The following ROBO2 variants were observed in gnomAD, a reference collection of about 807,000 sequenced individuals.
ROBO2 encodes roundabout guidance receptor 2.
Under a neutral mutation model 160.8 loss-of-function variants are expected in ROBO2, and 53 were observed. That is an observed-to-expected ratio of 0.33 (90% CI 0.26 to 0.41). The LOEUF is 0.41. Ranked by LOEUF, ROBO2 falls within the 10% of genes least tolerant of loss-of-function variation. The pLI is 1.00. For synonymous variants in ROBO2, 664 were observed against 611.7 expected (o/e 1.09, Z -1.26); for missense variants, 1,577 against 1,722.4 (o/e 0.92, Z 1.49).
At chr3:76,736,527 T>A (rs144815052) in intron 2 of ROBO2, among the ~76,000 whole-genome samples, 4 of 152,162 alleles carry the variant, frequency 2.6e-5, no homozygotes, top group Admixed American at 1.3e-4. Flanking sequence ...AGTTACTTTT[T>A]TCACCAATAA....
chr3:76,804,953 T>C lies in ROBO2; in HGVS notation c.110-293061T>C, dbSNP rs114626318. ...AATTTTGAAGCATTCTAAGACTAGA[T>C]TTATTTCCATTAAAATCAATGATGT... On this transcript the variant is annotated intron_variant, in intron 2 of 26. Coordinates refer to the ROBO2 transcript ENST00000487694. Among the ~76,000 whole-genome samples the C allele has an allele frequency of 3.3e-3, 506 of 152,264 alleles. 2 individuals are homozygous for C. The highest frequency in any genetic ancestry group is 0.011 in the African/African-American group (478 of 41,566).
At chr3:76,140,403 C>T (rs1034905554) in intron 2 of ROBO2, among the ~76,000 whole-genome samples, 16 of 151,926 alleles carry the variant, frequency 1.1e-4, no homozygotes, top group Non-Finnish European at 1.3e-4. Flanking sequence ...AGCACTATTT[C>T]ATTTGCCTTA....
chr3:77,246,539 A>G (rs780553439), intron 2 of ROBO2, among the ~76,000 whole-genome samples: 21 of 152,236 alleles, frequency 1.4e-4, no homozygotes, highest in Middle Eastern at 3.4e-3. Flanking sequence ...GCCACTATGG[A>G]GCAAACAAAG....
intron 2 of ROBO2, among the ~76,000 whole-genome samples, chr3:76,825,328 T>A (rs62261809): frequency 0.13 from 19,117 of 152,142 alleles, 1,332 homozygotes; most frequent in East Asian, 0.24. Flanking sequence ...ATGTGCTTGC[T>A]GTTTTATCAC....
At chr3:76,188,187 T>C (rs192829328) in intron 2 of ROBO2, among the ~76,000 whole-genome samples, 19 of 152,184 alleles carry the variant, frequency 1.2e-4, no homozygotes, top group Middle Eastern at 3.4e-3. Flanking sequence ...AAAAGATATA[T>C]TGAAGCCTAC....
chr3:76,276,327 G>A (rs1013838079), intron 2 of ROBO2, among the ~76,000 whole-genome samples: 4 of 151,818 alleles, frequency 2.6e-5, no homozygotes, highest in Non-Finnish European at 4.4e-5. Context: ...AGCCACATAT[G>A]GCTATTTAAA....
chr3:76,432,928 G>A (rs1215364807), intron 2 of ROBO2, among the ~76,000 whole-genome samples: 1 of 151,854 alleles, frequency 6.6e-6, no homozygotes, highest in Non-Finnish European at 1.5e-5. Flanking sequence ...GAGGAGGGAG[G>A]GAGGGAAGGA....
At chr3:77,433,350 T>C (rs1194637517) in intron 2 of ROBO2, among the ~76,000 whole-genome samples, 2 of 151,362 alleles carry the variant, frequency 1.3e-5, no homozygotes, top group East Asian at 2.0e-4. Context: ...CCTAAACTGT[T>C]CTGTATTGTG....
intron 2 of ROBO2, among the ~76,000 whole-genome samples, chr3:77,210,087 T>G (rs1412460811): frequency 2.6e-5 from 4 of 152,174 alleles, no homozygotes; most frequent in Non-Finnish European, 5.9e-5. Context: ...GATTTTTTTC[T>G]TCTGCTTTGG....
intron 2 of ROBO2, among the ~76,000 whole-genome samples, chr3:76,814,184 C>A (rs915195540): frequency 2.6e-5 from 4 of 152,046 alleles, no homozygotes; most frequent in African/African-American, 9.7e-5. Flanking sequence ...CGCAAATACA[C>A]CCAAATCAAA....
At chr3:76,370,730 C>G (rs2076060150) in intron 2 of ROBO2, among the ~76,000 whole-genome samples, 1 of 151,916 alleles carries the variant, frequency 6.6e-6, no homozygotes, top group Non-Finnish European at 1.5e-5. Flanking sequence ...CAAAGGCATA[C>G]TTTTCTAGGG....
intron 2 of ROBO2, among the ~76,000 whole-genome samples, chr3:76,067,179 C>T (rs1421197083): frequency 1.3e-5 from 2 of 152,094 alleles, no homozygotes; most frequent in African/African-American, 4.8e-5. Flanking sequence ...AATGTGATCA[C>T]AGGCCAGTTA....
chr3:77,617,541 T>C lies in ROBO2; in HGVS notation c.3322T>C (p.Leu1108=), dbSNP rs771875723. 8.7e-6 allele frequency: 14 copies of C among 1,614,134 alleles called. No homozygotes were observed. In the South Asian group the frequency reaches 1.4e-4, roughly 16 times the overall value. Residue 1108 remains leucine (L), a synonymous_variant, in exon 22 of 26, where the codon TTG becomes CTG. Transcript: ENST00000461745. ...TGACAGTGATAGCTGGTGCCCACCATTGCCAGTACAAACTTACTTACACCA... is the reference window on the plus strand; with the variant it reads ...TGACAGTGATAGCTGGTGCCCACCACTGCCAGTACAAACTTACTTACACCA...
chr3:77,354,387 C>T (rs1356791912), intron 2 of ROBO2, among the ~76,000 whole-genome samples: 3 of 152,074 alleles, frequency 2.0e-5, no homozygotes, highest in Admixed American at 1.3e-4. Context: ...GTTAATTTTC[C>T]TTTGCCTTGA....
chr3:76,201,007 C>T (rs1392624478), intron 2 of ROBO2, among the ~76,000 whole-genome samples: 1 of 152,012 alleles, frequency 6.6e-6, no homozygotes, highest in African/African-American at 2.4e-5. Flanking sequence ...CCACTTTAAA[C>T]ATTCGTAGGG....
At chr3:76,274,779 G>A (rs1707820972) in intron 2 of ROBO2, among the ~76,000 whole-genome samples, 1 of 150,854 alleles carries the variant, frequency 6.6e-6, no homozygotes, top group Non-Finnish European at 1.5e-5. Context: ...AGAGGTTGCA[G>A]TGAGCTGAGA....
At chr3:76,551,854 TG>T (rs2083443440) in intron 2 of ROBO2, among the ~76,000 whole-genome samples, 5 of 152,156 alleles carry the variant, frequency 3.3e-5, no homozygotes, top group Admixed American at 3.3e-4. Context: ...CCTGGCTGTG[TG>T]CAGTGTCTGG....
chr3:75,927,792 G>C (rs1947346333), intron 1 of ROBO2, among the ~76,000 whole-genome samples: 1 of 152,132 alleles, frequency 6.6e-6, no homozygotes, highest in African/African-American at 2.4e-5. Context: ...GGAACACTCT[G>C]TATTGATTTA....
intron 2 of ROBO2, among the ~76,000 whole-genome samples, chr3:76,446,806 A>C (rs188405404): frequency 2.9e-3 from 440 of 152,318 alleles, no homozygotes; most frequent in Admixed American, 5.4e-3. Context: ...TTCCCTATTT[A>C]ATAAATGGTG....
Sources: allele counts gnomAD v4.1 joint callset (sites outside exome capture counted in the v4.1 genomes callset), GRCh38; gene constraint gnomAD v4.1.1; transcripts MANE v1.5; gene names NCBI Gene and HGNC (gene_info 2026-07-23, HGNC 2026-07-21).